Variants in NAP1L4 observed in about 807,000 individuals in gnomAD.
NAP1L4 encodes the protein nucleosome assembly protein 1 like 4, also known as nucleosome assembly protein 1-like 4.
In NAP1L4, 15 loss-of-function variants were observed where a neutral mutation model predicts 58.2. That is an observed-to-expected ratio of 0.26 (90% CI 0.17 to 0.40). The LOEUF is 0.40. NAP1L4 is among the 10% of genes least tolerant of loss of function. The probability of loss-of-function intolerance (pLI) is 1.00; values close to 1 mark genes in which losing one functional copy is unlikely to be tolerated. For synonymous variants in NAP1L4, 171 were observed against 155.6 expected, an observed-to-expected ratio of 1.10 and a Z score of -0.74; for missense variants, 384 against 451.1, an observed-to-expected ratio of 0.85 and a Z score of 1.35.
intron 10 of NAP1L4, among the ~76,000 whole-genome samples, chr11:2,956,808 A>G (rs966766057): frequency 1.3e-5 from 2 of 152,176 alleles, no homozygotes; most frequent in African/African-American, 4.8e-5. Flanking sequence ...AAGGAGCTGG[A>G]CTCACTAGCT....
intron 4 of NAP1L4, among the ~76,000 whole-genome samples, chr11:2,972,563 C>T (rs921423359): frequency 6.6e-6 from 1 of 152,196 alleles, no homozygotes; most frequent in African/African-American, 2.4e-5. Context: ...AAAACCAAAA[C>T]AAAACACCCA....
At chr11:2,953,616 A>T (rs540423179) in intron 12 of NAP1L4, among the ~76,000 whole-genome samples, 1 of 152,384 alleles carries the variant, frequency 6.6e-6, no homozygotes, top group Admixed American at 6.5e-5. Context: ...TGAGCCAGCA[A>T]GTTGAGTTTT....
chr11:2,990,146 A>G (rs910184695), intron 1 of NAP1L4: 3 of 152,164 alleles, frequency 2.0e-5, no homozygotes, highest in African/African-American at 7.2e-5. Context: ...CCTATATGAC[A>G]TATAGGCACA....
intron 1 of NAP1L4, among the ~76,000 whole-genome samples, chr11:2,991,593 CGCTCCCACCGCACA>C (rs1041644028): frequency 2.6e-5 from 4 of 151,862 alleles, no homozygotes; most frequent in African/African-American, 9.7e-5. Context: ...CCGCCCAGCT[CGCTCCCACCGCACA>C]GCTCCCAACA....
chr11:2,958,898 C>A, intron 9 of NAP1L4: 1 of 257,474 alleles, frequency 3.9e-6, no homozygotes, highest in East Asian at 9.7e-5. Flanking sequence ...GGAGGAGTTG[C>A]TGCTGTTCAA....
Position 2,972,177 on chromosome 11 carries a change from T to C in NAP1L4, c.240A>G (p.Ile80Met), listed in dbSNP as rs2133974768. 1.2e-6 allele frequency: 2 copies of C among 1,609,646 alleles called. No individual in the cohort carries two copies. The highest frequency in any genetic ancestry group is 1.7e-6 in the Non-Finnish European group (2 of 1,178,720). Residue 80 changes from isoleucine to methionine, a missense_variant, in exon 5 of 16, where the codon ATA (isoleucine) becomes ATG (methionine). Coordinates refer to ENST00000380542, the MANE Select transcript of NAP1L4 (RefSeq NM_005969.4). Reference protein sequence around the residue: ...LKQLQVRCAHIEAKFYEEVHD... With the variant: ...LKQLQVRCAHMEAKFYEEVHD... ...GTACCTCTTCATAGAACTTGGCTTC[T>C]ATGTGAGCACATCTCACCTGAAGTT...
At position 2,946,860 on chromosome 11, in the gene NAP1L4, C is replaced by T. The variant is rs1226670267; in HGVS notation, c.*33-1214G>A. Among the ~76,000 whole-genome samples the T allele has an allele frequency of 6.6e-6, 1 of 152,150 alleles. No homozygotes were observed. Among genetic ancestry groups the T allele is most frequent in the Non-Finnish European group, 1.5e-5 (1 of 68,030 alleles). ...GACTGAAGGTGGCCCAGTGTAGTGG[C>T]CAAGAACACTGAGCCACTGGCCTTA... is the stretch of plus-strand genomic sequence containing the variant. On this transcript the variant is annotated intron_variant, in intron 15 of 15. Transcript: ENST00000380542. The surrounding 1 kb of genome is among the most constrained non-coding windows in gnomAD (Gnocchi z 4.8).
In NAP1L4 at chr11:2,949,913, C is replaced by T. The variant is rs1487345144; in HGVS notation, c.1123-649G>A. On this transcript the variant is annotated intron_variant, in intron 14 of 15. Coordinates refer to ENST00000380542, the MANE Select transcript of NAP1L4 (RefSeq NM_005969.4). This position sits in a 1 kb window ranked among gnomAD's most constrained non-coding sequence, Gnocchi z 4.0. The stretch of plus-strand genomic sequence containing the variant: ...CTGTGCGCGGAGTCTGAGGAGGTGG[C>T]CCTGCCAATTGACCCCAGTCCTTGC... Among the ~76,000 whole-genome samples, 1 of 152,234 alleles carries T rather than the reference C, an allele frequency of 6.6e-6. No homozygotes were observed. The highest frequency in any genetic ancestry group is 1.5e-5 in the Non-Finnish European group (1 of 68,038).
Position 2,955,431 on chromosome 11 carries a change from C to G in NAP1L4, c.915+313G>C, listed in dbSNP as rs1013570742. Among the ~76,000 whole-genome samples, 2 of 151,928 alleles carry G rather than the reference C, an allele frequency of 1.3e-5. No homozygotes were observed. Among genetic ancestry groups the G allele is most frequent in the East Asian group, 3.9e-4 (2 of 5,182 alleles). On this transcript the variant is annotated intron_variant, in intron 11 of 15. Coordinates refer to ENST00000380542, the MANE Select transcript of NAP1L4 (RefSeq NM_005969.4). This position sits in a 1 kb window ranked among gnomAD's most constrained non-coding sequence, Gnocchi z 4.2. ...ATGTTGACCAGACTGGTCTTGAACT[C>G]CTGACCTCTGGTGATCCACCCACCT...
rs1348906520 is a variant in NAP1L4, at chr11:2,946,788, G to A, written c.*33-1142C>T. ...CCAAAGAGCCTGGCCAAGACAAAAC[G>A]AGGCTGACCAAAAACCCTCGCCATG... On this transcript the variant is annotated intron_variant, in intron 15 of 15. Transcript: ENST00000380542. This position sits in a 1 kb window ranked among gnomAD's most constrained non-coding sequence, Gnocchi z 4.8. Among the ~76,000 whole-genome samples the A allele has an allele frequency of 1.3e-5, 2 of 152,220 alleles. No homozygotes were observed. Among genetic ancestry groups the A allele is most frequent in the African/African-American group, 2.4e-5 (1 of 41,454 alleles).
chr11:2,963,707 G>A (rs1847087428), intron 8 of NAP1L4: 1 of 514,942 alleles, frequency 1.9e-6, no homozygotes, highest in Non-Finnish European at 3.9e-6. Context: ...ACTGGTGACT[G>A]GCCCCAGGCC....
At chr11:2,986,184 G>C (rs936361380) in intron 1 of NAP1L4, among the ~76,000 whole-genome samples, 2 of 152,054 alleles carry the variant, frequency 1.3e-5, no homozygotes, top group Non-Finnish European at 2.9e-5. Flanking sequence ...GGTCAGCCTG[G>C]CCAACGTGGT....
chr11:2,975,418 C>T (rs1223062390), intron 4 of NAP1L4, among the ~76,000 whole-genome samples: 1 of 152,070 alleles, frequency 6.6e-6, no homozygotes, highest in African/African-American at 2.4e-5. Flanking sequence ...ATACATCTAG[C>T]ACATAGGCCT....
Position 2,971,513 on chromosome 11 carries a change from C to T in NAP1L4, c.337G>A (p.Asp113Asn), listed in dbSNP as rs1267166441. ...GATTCCGCATCTGTTGGTTCAACAT[C>T]GCCGGTGATAAATTCTCTTCTCTAC... is the stretch of plus-strand genomic sequence containing the variant. ...FDKRREFITG[D>N]VEPTDAESEW... is the part of the protein sequence containing the mutation. The change falls in exon 6 of 16, where the codon GAT (aspartate) becomes AAT (asparagine). Residue 113 changes from aspartate (D) to asparagine (N), a missense_variant. Physicochemically the swap from Asp to Asn is conservative, Grantham distance 23. Around this residue, in one of 3 missense-constraint regions of NAP1L4, gnomAD observed 296 missense variants for 360.8 expected, o/e 0.82. Transcript: ENST00000380542. This position sits in a 1 kb window ranked among gnomAD's most constrained non-coding sequence, Gnocchi z 4.2. The T allele has an allele frequency of 9.9e-6, 16 of 1,613,554 alleles. No homozygotes were observed. Among genetic ancestry groups the T allele is most frequent in the Non-Finnish European group, 1.3e-5 (15 of 1,179,972 alleles).
In NAP1L4 at chr11:2,949,388, G is replaced by T. The variant is rs1230449835; in HGVS notation, c.1123-124C>A. 2 of 781,732 alleles carry T rather than the reference G, an allele frequency of 2.6e-6. No homozygotes were observed. Among genetic ancestry groups the T allele is most frequent in the Non-Finnish European group, 4.5e-6 (2 of 445,570 alleles). 48.4% of individuals were successfully genotyped at this position (781,732 alleles called of 1,614,324 possible). On this transcript the variant is annotated intron_variant, in intron 14 of 15. Coordinates refer to ENST00000380542, the MANE Select transcript of NAP1L4 (RefSeq NM_005969.4). This position sits in a 1 kb window ranked among gnomAD's most constrained non-coding sequence, Gnocchi z 4.0. ...AAAGGGCTGCAAGATACTGAACTCG[G>T]GGTGAACAACTTCAACACTAGATCA...
In NAP1L4 at chr11:2,951,520, T is replaced by C. The variant is rs1267239153; in HGVS notation, c.1066-205A>G. Among the ~76,000 whole-genome samples, 1 of 152,224 alleles carries C rather than the reference T, an allele frequency of 6.6e-6. No homozygotes were observed. The highest frequency in any genetic ancestry group is 1.5e-5 in the Non-Finnish European group (1 of 68,040). ...ACAGAGAGCCCTGAAAGAAACAAAA[T>C]TCTGAAAAAGTAGATTTTGTTAAAT... On this transcript the variant is annotated intron_variant, in intron 13 of 15. Transcript: ENST00000380542. The surrounding 1 kb of genome is among the most constrained non-coding windows in gnomAD (Gnocchi z 4.0).
intron 4 of NAP1L4, among the ~76,000 whole-genome samples, chr11:2,972,707 C>T (rs1541334): frequency 0.29 from 44,089 of 152,182 alleles, 7,597 homozygotes; most frequent in East Asian, 0.67. Context: ...CGCAGTGGCT[C>T]ATGCCTGTAA....
chr11:2,958,250 C>A (rs1414494307), intron 10 of NAP1L4, 149 bp downstream of exon 10: 2 of 815,282 alleles, frequency 2.5e-6, no homozygotes, highest in Non-Finnish European at 4.2e-6. Context: ...AGCGCACCAA[C>A]AGAACAGCCT....
In NAP1L4 at chr11:2,954,435, G is replaced by T; in HGVS notation, c.1035+92C>A. The T allele has an allele frequency of 6.4e-7, 1 of 1,563,776 alleles. No individual in the cohort carries two copies. The highest frequency in any genetic ancestry group is 8.8e-7 in the Non-Finnish European group (1 of 1,135,960). Reference sequence around the variant, plus strand: ...GCTGATGATGTAATAAAAAGATTAGGCATGGGGGTTTCCTAAGCCACAATT... The same window carrying T: ...GCTGATGATGTAATAAAAAGATTAGTCATGGGGGTTTCCTAAGCCACAATT... On this transcript the variant is annotated intron_variant, in intron 12 of 15. Transcript: ENST00000380542. This position sits in a 1 kb window ranked among gnomAD's most constrained non-coding sequence, Gnocchi z 4.8.
Sources: allele counts gnomAD v4.1 joint callset (sites outside exome capture counted in the v4.1 genomes callset), GRCh38; gene constraint gnomAD v4.1.1; regional missense constraint gnomAD v4.1.1; non-coding constraint Gnocchi (gnomAD v3.1); transcripts MANE v1.5; gene names NCBI Gene and HGNC (gene_info 2026-07-23, HGNC 2026-07-21).